Variants in CALN1 observed in about 807,000 individuals in gnomAD.
The protein encoded by CALN1 is calcium-binding protein 8.
Under a neutral mutation model 30.6 loss-of-function variants are expected in CALN1, and 17 were observed. That is an observed-to-expected ratio of 0.56 (90% CI 0.38 to 0.83). CALN1 has a LOEUF of 0.83. Ranked by LOEUF, CALN1 falls within the 40% of genes least tolerant of loss-of-function variation. CALN1 has a pLI of 0.00. For synonymous variants in CALN1, 156 were observed against 131.4 expected (o/e 1.19, Z -1.28); for missense variants, 291 against 354.9 (o/e 0.82, Z 1.45).
rs1240761387 is a variant in CALN1, at chr7:72,062,647, A to G, written c.389-38878T>C. Among the ~76,000 whole-genome samples, 7 of 152,250 alleles carry G rather than the reference A, an allele frequency of 4.6e-5. No individual in the cohort carries two copies. In the East Asian group the frequency reaches 1.3e-3, roughly 29 times the overall value. On this transcript the variant is annotated intron_variant, in intron 4 of 6. Coordinates refer to ENST00000395275, the MANE Select transcript of CALN1 (RefSeq NM_031468.4). ...CTGTTTGGTTCTTTAAAAATGTTCTATGGTTGAAAACAAAAATTATAACAT... is the reference window on the plus strand; with the variant it reads ...CTGTTTGGTTCTTTAAAAATGTTCTGTGGTTGAAAACAAAAATTATAACAT...
At chr7:72,133,064 A>T (rs1313532207) in intron 3 of CALN1, among the ~76,000 whole-genome samples, 1 of 151,990 alleles carries the variant, frequency 6.6e-6, no homozygotes. Flanking sequence ...TCATCCTGAA[A>T]CCATCCACCC....
chr7:72,205,478 C>G lies in CALN1; in HGVS notation c.244+73208G>C, dbSNP rs539422730. Among the ~76,000 whole-genome samples the G allele has an allele frequency of 3.9e-4, 58 of 147,850 alleles. 1 individual carries two copies. The Middle Eastern group carries it at 0.014, about 36-fold the overall frequency. ...TTGGCCTTTCAAACTGCTGGGATTA[C>G]AGGCATGAGCCACCACACCCAGCCT... On this transcript the variant is annotated intron_variant, in intron 3 of 6. Coordinates refer to ENST00000395275, the MANE Select transcript of CALN1 (RefSeq NM_031468.4).
At position 72,417,500 on chromosome 7, in the gene CALN1, G is replaced by A. The variant is rs187743047; in HGVS notation, c.-225-5225C>T. On this transcript the variant is annotated intron_variant, in intron 1 of 6. Transcript: ENST00000395276. ...TTTCTACTTCTGTCCCCGCTACCGT[G>A]GGCACTTGCCACATAGTTCTTGGTT... Among the ~76,000 whole-genome samples the A allele has an allele frequency of 3.9e-5, 6 of 152,302 alleles. No individual in the cohort carries two copies. The East Asian group carries it at 9.6e-4, about 24-fold the overall frequency.
chr7:72,294,435 A>G (rs551997890), intron 2 of CALN1, among the ~76,000 whole-genome samples: 17 of 152,290 alleles, frequency 1.1e-4, no homozygotes, highest in African/African-American at 2.4e-4. Context: ...ATAGCACTGT[A>G]AAGTAAAAAT....
intron 4 of CALN1, among the ~76,000 whole-genome samples, chr7:72,060,852 C>A (rs1001301628): frequency 6.6e-6 from 1 of 152,180 alleles, no homozygotes; most frequent in Admixed American, 6.5e-5. Flanking sequence ...AGAAGCTGAG[C>A]AGATGTGGGT....
chr7:72,334,547 G>C lies in CALN1; in HGVS notation c.120-55737C>G, dbSNP rs531362369. Among the ~76,000 whole-genome samples, 5 of 151,840 alleles carry C rather than the reference G, an allele frequency of 3.3e-5. No individual in the cohort carries two copies. In the East Asian group the frequency reaches 5.8e-4, roughly 18 times the overall value. Reference sequence around the variant, plus strand: ...ACCCCCCCTCCCCTTACAGAGGAAAGGGCATCATGTGTGTCAATCAAGTCT... The same window carrying C: ...ACCCCCCCTCCCCTTACAGAGGAAACGGCATCATGTGTGTCAATCAAGTCT... On this transcript the variant is annotated intron_variant, in intron 2 of 6. Coordinates refer to ENST00000395275, the MANE Select transcript of CALN1 (RefSeq NM_031468.4).
chr7:72,432,438 C>T (rs568623005), intron 1 of CALN1, among the ~76,000 whole-genome samples: 82 of 152,220 alleles, frequency 5.4e-4, no homozygotes, highest in African/African-American at 2.0e-3. Flanking sequence ...CCTCCGGGAA[C>T]AGAAATAGCT....
At chr7:72,467,307 G>C in the CALN1 span, among the ~76,000 whole-genome samples, 1 of 152,194 alleles carries the variant, frequency 6.6e-6, no homozygotes, top group Non-Finnish European at 1.5e-5. Flanking sequence ...ATGTCCACAC[G>C]GCAGGGGGGT....
chr7:72,018,330 C>A (rs182358861), intron 5 of CALN1, among the ~76,000 whole-genome samples: 7 of 152,224 alleles, frequency 4.6e-5, no homozygotes, highest in East Asian at 3.9e-4. Context: ...GCCTACCCCC[C>A]AGTCCTGAGT....
At chr7:72,406,091 G>A (rs1031094595) in intron 1 of CALN1, among the ~76,000 whole-genome samples, 3 of 152,150 alleles carry the variant, frequency 2.0e-5, no homozygotes, top group East Asian at 3.9e-4. Context: ...TGCGGCACTC[G>A]CGATGTGCCA....
intron 1 of CALN1, among the ~76,000 whole-genome samples, chr7:72,408,268 ATT>A: frequency 1.0e-5 from 1 of 99,074 alleles, no homozygotes; most frequent in African/African-American, 4.3e-5. Context: ...CCCCATCTCT[ATT>A]AAAAAAAAAA....
chr7:71,954,837 G>A (rs999079286), intron 5 of CALN1, among the ~76,000 whole-genome samples: 23 of 152,278 alleles, frequency 1.5e-4, no homozygotes, highest in Non-Finnish European at 2.8e-4. Context: ...ACTACCTGGG[G>A]GGTTGATTCA....
chr7:72,313,985 C>G (rs1463160914), intron 2 of CALN1, among the ~76,000 whole-genome samples: 1 of 152,182 alleles, frequency 6.6e-6, no homozygotes, highest in Non-Finnish European at 1.5e-5. Context: ...ACAGGGCAGA[C>G]AGACAGAGCC....
At chr7:72,121,036 C>T (rs77550177) in intron 3 of CALN1, among the ~76,000 whole-genome samples, 15 of 149,266 alleles carry the variant, frequency 1.0e-4, no homozygotes, top group East Asian at 7.8e-4. Context: ...GGGGGTGGAA[C>T]GCTTTATATT....
chr7:72,431,328 C>CA lies in CALN1; in HGVS notation c.-226+15713dup, dbSNP rs759638697. Among the ~76,000 whole-genome samples, 12 of 152,132 alleles carry CA rather than the reference C, an allele frequency of 7.9e-5. No homozygotes were observed. In the East Asian group the frequency reaches 2.1e-3, roughly 27 times the overall value. The stretch of plus-strand genomic sequence containing the variant: ...ATGAGGAACTCCAACATGAAAATTA[C>CA]AAAAAAACTGAGGGTTTGGGGGAAA... On this transcript the variant is annotated intron_variant, in intron 1 of 6. Transcript: ENST00000395276.
intron 5 of CALN1, among the ~76,000 whole-genome samples, chr7:71,995,021 T>A (rs1284148130): frequency 3.3e-5 from 5 of 151,976 alleles, no homozygotes; most frequent in Admixed American, 3.3e-4. Flanking sequence ...CCTGGCTAAT[T>A]TTTTATATTT....
chr7:71,981,182 T>C (rs1161374797), intron 5 of CALN1, among the ~76,000 whole-genome samples: 4 of 152,174 alleles, frequency 2.6e-5, no homozygotes, highest in African/African-American at 7.2e-5. Flanking sequence ...TGTTATAATA[T>C]TTAGTGTGTT....
At chr7:71,842,381 C>T (rs577794599) in intron 5 of CALN1, among the ~76,000 whole-genome samples, 3 of 152,306 alleles carry the variant, frequency 2.0e-5, no homozygotes, top group South Asian at 2.1e-4. Flanking sequence ...TGATGTTGAT[C>T]GCTGCCGTTT....
chr7:71,798,879 C>T (rs1787129871), intron 6 of CALN1, among the ~76,000 whole-genome samples: 1 of 152,076 alleles, frequency 6.6e-6, no homozygotes, highest in Non-Finnish European at 1.5e-5. Context: ...CTGCCTTGGC[C>T]TCCCAAAGTG....
Sources: allele counts gnomAD v4.1 joint callset (sites outside exome capture counted in the v4.1 genomes callset), GRCh38; gene constraint gnomAD v4.1.1; transcripts MANE v1.5; gene names NCBI Gene and HGNC (gene_info 2026-07-23, HGNC 2026-07-21).